Variants in ANAPC1 observed in about 807,000 individuals in gnomAD.
ANAPC1 encodes anaphase promoting complex subunit 1.
In ANAPC1, 36 loss-of-function variants were observed where a neutral mutation model predicts 208.0. That is an observed-to-expected ratio of 0.17 (90% CI 0.13 to 0.23). The LOEUF (loss-of-function observed/expected upper bound fraction) is 0.23, where lower values mean the gene tolerates loss of function less well. ANAPC1 is among the 10% of genes least tolerant of loss of function. The pLI is 1.00. For synonymous variants in ANAPC1, 378 were observed against 695.2 expected, an observed-to-expected ratio of 0.54 and a Z score of 7.18; for missense variants, 942 against 2,011.6, an observed-to-expected ratio of 0.47 and a Z score of 10.17.
chr2:111,843,433 G>T lies in ANAPC1; in HGVS notation c.2019C>A (p.Asp673Glu), dbSNP rs1483626535. 1 of 1,611,808 alleles carries T rather than the reference G, an allele frequency of 6.2e-7. No homozygotes were observed. Among genetic ancestry groups the T allele is most frequent in the African/African-American group, 1.3e-5 (1 of 74,806 alleles). Residue 673 changes from aspartate (D) to glutamate (E), a missense_variant, in exon 17 of 48, where the codon GAC becomes GAA. By Grantham distance (45) the Asp-to-Glu change is conservative (BLOSUM62 2). Coordinates refer to ENST00000341068, the MANE Select transcript of ANAPC1 (RefSeq NM_022662.4). ...TTACATTTCTAGTCCATGCTAAGCG[G>T]TCTGTGTTATAACCCATCATGTTCA... is the stretch of plus-strand genomic sequence containing the variant. ...CLMNMMGYNT[D>E]RLAWTRNFDF...
intron 45 of ANAPC1, among the ~76,000 whole-genome samples, chr2:111,777,422 A>T (rs931361281): frequency 2.0e-5 from 3 of 151,848 alleles, no homozygotes; most frequent in Non-Finnish European, 4.4e-5. Flanking sequence ...GAGGGCAAGA[A>T]GAACACTACT....
intron 29 of ANAPC1, among the ~76,000 whole-genome samples, 154 bp downstream of exon 29, chr2:111,808,788 AGTTTT>A (rs1678825580): frequency 6.6e-6 from 1 of 151,896 alleles, no homozygotes; most frequent in African/African-American, 2.4e-5. Context: ...CATTACTTAG[AGTTTT>A]GTTGTTTTTT....
intron 47 of ANAPC1, among the ~76,000 whole-genome samples, chr2:111,770,312 GACCATTGA>G (rs1676669131): frequency 8.0e-6 from 1 of 125,346 alleles, no homozygotes; most frequent in Non-Finnish European, 1.6e-5. Flanking sequence ...TAATACAGTT[GACCATTGA>G]ACAACCCTGT....
In ANAPC1 at chr2:111,838,478, G is replaced by A. The variant is rs372889521; in HGVS notation, c.2075C>T (p.Ala692Val). 8.1e-6 allele frequency: 13 copies of A among 1,605,538 alleles called. No individual in the cohort carries two copies. Among genetic ancestry groups the A allele is most frequent in the Admixed American group, 1.7e-5 (1 of 58,938 alleles). Residue 692 changes from alanine to valine, a missense_variant, in exon 18 of 48, where the codon GCG becomes GTG. Coordinates refer to ENST00000341068, the MANE Select transcript of ANAPC1 (RefSeq NM_022662.4). ...CTCGGAAGGCCTTGCTTTTTTGGGC[G>A]CAATGACAGGAGAAAGTGATCCTTC... The part of the protein sequence containing the change: ...DFEGSLSPVI[A>V]PKKARPSETG...
At chr2:111,851,572 C>T (rs1036356097) in intron 13 of ANAPC1, among the ~76,000 whole-genome samples, 4 of 151,628 alleles carry the variant, frequency 2.6e-5, no homozygotes, top group African/African-American at 7.3e-5. Flanking sequence ...TTTGGGAGGC[C>T]GAGGCGGGCG....
At chr2:111,864,774 A>G (rs1450192259) in intron 8 of ANAPC1, 32 bp downstream of exon 8, 2 of 1,609,472 alleles carry the variant, frequency 1.2e-6, no homozygotes, top group East Asian at 4.5e-5. Flanking sequence ...ACCCTTTCCT[A>G]TTAAGGAGAA....
chr2:111,867,609 T>A (rs139640789), intron 7 of ANAPC1, among the ~76,000 whole-genome samples: 3,271 of 151,806 alleles, frequency 0.022, 105 homozygotes, highest in African/African-American at 0.073. Context: ...GGATAATCAC[T>A]TGAACTCGGG....
intron 21 of ANAPC1, among the ~76,000 whole-genome samples, chr2:111,829,156 G>C (rs976229593): frequency 6.6e-6 from 1 of 152,196 alleles, no homozygotes; most frequent in African/African-American, 2.4e-5. Flanking sequence ...GGAGGTTGCA[G>C]TGAGCCGAGA....
intron 7 of ANAPC1, among the ~76,000 whole-genome samples, chr2:111,865,611 C>T (rs1682360619): frequency 6.6e-6 from 1 of 152,096 alleles, no homozygotes; most frequent in Non-Finnish European, 1.5e-5. Context: ...ACTATTAATA[C>T]ATTAGAGAAT....
At chr2:111,848,502 C>T (rs1488713487) in intron 14 of ANAPC1, among the ~76,000 whole-genome samples, 6 of 151,996 alleles carry the variant, frequency 3.9e-5, no homozygotes, top group Non-Finnish European at 7.4e-5. Flanking sequence ...AGCCGGGGCA[C>T]GCGGTGGCTC....
chr2:111,823,572 A>G (rs1224760844), intron 24 of ANAPC1, among the ~76,000 whole-genome samples: 4 of 152,178 alleles, frequency 2.6e-5, no homozygotes, highest in Non-Finnish European at 5.9e-5. Context: ...TTAAATTATG[A>G]TATGTTCAAA....
At chr2:111,867,595 G>A (rs532345904) in intron 7 of ANAPC1, among the ~76,000 whole-genome samples, 3 of 151,324 alleles carry the variant, frequency 2.0e-5, no homozygotes, top group Non-Finnish European at 4.4e-5. Flanking sequence ...GGGAGGCTGA[G>A]GCAGGATAAT....
At chr2:111,853,616 A>G (rs942338682) in intron 13 of ANAPC1, among the ~76,000 whole-genome samples, 4 of 151,896 alleles carry the variant, frequency 2.6e-5, no homozygotes, top group African/African-American at 9.7e-5. Context: ...TGAGGGTTGG[A>G]ATCAACTTCT....
chr2:111,843,742 C>T, intron 16 of ANAPC1, 143 bp from the exon 17 acceptor site: 1 of 579,370 alleles, frequency 1.7e-6, no homozygotes, highest in South Asian at 2.2e-5. Context: ...CAATGAGATG[C>T]AAACATTACC....
chr2:111,779,149 G>A (rs1677147172), intron 44 of ANAPC1: 1 of 189,812 alleles, frequency 5.3e-6, no homozygotes, highest in Non-Finnish European at 1.1e-5. Context: ...GGAGGCGGCA[G>A]AGTCAAGTCC....
At chr2:111,808,857 A>C in intron 29 of ANAPC1, 90 bp downstream of exon 29, 1 of 1,483,668 alleles carries the variant, frequency 6.7e-7, no homozygotes. Context: ...GTCTTTCCTT[A>C]ATTTTTATAA....
At chr2:111,851,989 A>T (rs908288299) in intron 13 of ANAPC1, among the ~76,000 whole-genome samples, 1 of 152,146 alleles carries the variant, frequency 6.6e-6, no homozygotes, top group South Asian at 2.1e-4. Flanking sequence ...ATGTTAACAC[A>T]CTACTCAAAA....
intron 45 of ANAPC1, among the ~76,000 whole-genome samples, 158 bp from the exon 46 acceptor site, chr2:111,777,215 C>A (rs1006750493): frequency 6.6e-6 from 1 of 152,080 alleles, no homozygotes; most frequent in Non-Finnish European, 1.5e-5. Flanking sequence ...ACAGAGGAGC[C>A]GTCACTGGGT....
rs908553180 is a variant in ANAPC1, at chr2:111,832,937, CAA to C, written c.2476+281_2476+282del. On this transcript the variant is annotated intron_variant, in intron 20 of 47. Coordinates refer to ENST00000341068, the MANE Select transcript of ANAPC1 (RefSeq NM_022662.4). ...TGGGTGACAGAGCGAGACTCAGTCTCAAAAAAAAAAAAAAAAAAAGCATCCTT... is the reference window on the plus strand; with the variant it reads ...TGGGTGACAGAGCGAGACTCAGTCTCAAAAAAAAAAAAAAAAAGCATCCTT... Among the ~76,000 whole-genome samples the C allele has an allele frequency of 5.8e-4, 31 of 53,618 alleles. No homozygotes were observed. In the East Asian group the frequency reaches 0.011, roughly 20 times the overall value. 35.2% of individuals were successfully genotyped at this position (53,618 alleles called of 152,430 possible).
Sources: gnomAD v4.1 joint callset for allele counts (sites outside exome capture counted in the v4.1 genomes callset) on GRCh38, gnomAD v4.1.1 for gene constraint, MANE v1.5 for transcripts, NCBI Gene and HGNC (gene_info 2026-07-23, HGNC 2026-07-21) for gene names.